CEP128: variants seen among roughly 807,000 people sequenced by gnomAD.
The protein encoded by CEP128 is centrosomal protein 128, also known as centrosomal protein 128kDa.
In CEP128, 132 loss-of-function variants were observed where a neutral mutation model predicts 156.7. The ratio of observed to expected loss-of-function variants is 0.84; its 90% CI spans 0.73 to 0.97. The LOEUF is 0.97. Among genes scored for constraint, CEP128 ranks in the 50% least tolerant of loss-of-function variants. The pLI is 0.00. For missense variants in CEP128, 1,252 were observed against 1,281.9 expected (o/e 0.98, Z 0.36); for synonymous variants, 469 against 448.9 (o/e 1.04, Z -0.57).
rs760099241 is a variant in CEP128 at position 80,530,817 on chromosome 14, C to G, written c.2950G>C (p.Asp984His). 6.2e-7 allele frequency: 1 copy of G among 1,603,070 alleles called. No homozygotes were observed. Among genetic ancestry groups the G allele is most frequent in the Non-Finnish European group, 8.5e-7 (1 of 1,173,806 alleles). The stretch of plus-strand genomic sequence containing the variant: ...AGCCAACTCTTTCTCACTCTGAAGT[C>G]TTTGAAATCTTCTAGTAGGCTCAGT... ...EKLSLLEDFKDFRDSCSSSER... is the reference protein window; with the variant it reads ...EKLSLLEDFKHFRDSCSSSER... The change falls in exon 22 of 25, where the codon GAC becomes CAC. Residue 984 changes from aspartate to histidine, a missense_variant. Physicochemically the swap from Asp to His is moderately conservative, Grantham distance 81. Coordinates refer to ENST00000555265, the MANE Select transcript of CEP128 (RefSeq NM_152446.5).
At chr14:80,486,371 A>T (rs1887165442), downstream of CEP128, among the ~76,000 whole-genome samples, 2 of 152,134 alleles carry the variant, frequency 1.3e-5, 1 homozygote, top group South Asian at 4.2e-4. Context: ...GGACTATGTG[A>T]AAAGACCAAA....
intron 19 of CEP128, among the ~76,000 whole-genome samples, chr14:80,680,387 T>C (rs562864614): frequency 6.6e-6 from 1 of 152,138 alleles, no homozygotes; most frequent in Non-Finnish European, 1.5e-5. Flanking sequence ...TTCGTGGATA[T>C]AGATCCTGGT....
intron 19 of CEP128, among the ~76,000 whole-genome samples, chr14:80,607,881 T>G (rs1489179701): frequency 6.6e-6 from 1 of 152,168 alleles, no homozygotes; most frequent in Non-Finnish European, 1.5e-5. Flanking sequence ...CCCTCAGATA[T>G]CCAACCAACC....
chr14:80,676,856 G>T (rs529467946), intron 19 of CEP128, among the ~76,000 whole-genome samples: 1 of 152,146 alleles, frequency 6.6e-6, no homozygotes, highest in South Asian at 2.1e-4. Flanking sequence ...AAATATATTT[G>T]CAGATCTGGG....
At chr14:80,617,565 G>T (rs117444474) in intron 19 of CEP128, among the ~76,000 whole-genome samples, 3 of 152,168 alleles carry the variant, frequency 2.0e-5, no homozygotes, top group Admixed American at 2.0e-4. Context: ...AACATAAGGT[G>T]GGGGGTGGAC....
intron 19 of CEP128, among the ~76,000 whole-genome samples, chr14:80,678,374 A>C (rs1353126103): frequency 6.6e-6 from 1 of 152,076 alleles, no homozygotes; most frequent in African/African-American, 2.4e-5. Flanking sequence ...TTCCAAAAAA[A>C]AAAAAAGGAC....
chr14:80,685,634 C>T (rs531536650), intron 19 of CEP128, among the ~76,000 whole-genome samples: 9 of 151,966 alleles, frequency 5.9e-5, no homozygotes, highest in Admixed American at 6.6e-5. Flanking sequence ...GGAACCAAAG[C>T]GAAGCCCAAA....
chr14:80,732,599 G>A (rs567906048), intron 19 of CEP128, among the ~76,000 whole-genome samples: 5 of 151,526 alleles, frequency 3.3e-5, no homozygotes, highest in Admixed American at 6.6e-5. Flanking sequence ...ACACAAAACC[G>A]AAATCGGTGA....
At chr14:80,584,967 CA>C (rs1891755696) in intron 19 of CEP128, among the ~76,000 whole-genome samples, 1 of 152,238 alleles carries the variant, frequency 6.6e-6, no homozygotes, top group Admixed American at 6.5e-5. Flanking sequence ...CTGTTCCATA[CA>C]AATAGCAACT....
intron 19 of CEP128, among the ~76,000 whole-genome samples, chr14:80,607,564 T>C (rs1006669061): frequency 4.6e-5 from 7 of 152,158 alleles, no homozygotes; most frequent in Admixed American, 1.3e-4. Flanking sequence ...AAATTCTACA[T>C]GGATCAAGAT....
chr14:80,739,704 T>C (rs1251103490), intron 19 of CEP128, among the ~76,000 whole-genome samples: 3 of 152,174 alleles, frequency 2.0e-5, no homozygotes, highest in Non-Finnish European at 4.4e-5. Flanking sequence ...AATCATAGTA[T>C]ACAATAGGGC....
chr14:80,844,141 A>G (rs1192437256), intron 9 of CEP128, among the ~76,000 whole-genome samples: 2 of 152,112 alleles, frequency 1.3e-5, no homozygotes, highest in East Asian at 3.9e-4. Flanking sequence ...GTTGAGGATT[A>G]TCTGTGCCAA....
chr14:80,906,055 G>A lies in CEP128; in HGVS notation c.261C>T (p.Ile87=), dbSNP rs145468180. 1.7e-4 allele frequency: 280 copies of A among 1,604,874 alleles called. 1 individual carries two copies. In the African/African-American group the frequency reaches 2.1e-3, roughly 12 times the overall value. Residue 87 remains isoleucine, a synonymous_variant, in exon 5 of 25, where the codon ATC becomes ATT. Transcript: ENST00000555265. ...EHLKESLEQS[I]DQLRSQRLLR... ...ATAAACGTTGACTCCGGAGTTGGTC[G>A]ATTGATTGTTCCAAGCTTTCTTTTA...
At chr14:80,946,833 G>A (rs1886355904) in intron 2 of CEP128, among the ~76,000 whole-genome samples, 1 of 152,168 alleles carries the variant, frequency 6.6e-6, no homozygotes, top group Non-Finnish European at 1.5e-5. Flanking sequence ...AATGTCACGT[G>A]GAATTGCAAT....
intron 23 of CEP128, among the ~76,000 whole-genome samples, chr14:80,505,548 G>C (rs1217695138): frequency 6.6e-6 from 1 of 151,876 alleles, no homozygotes; most frequent in Non-Finnish European, 1.5e-5. Flanking sequence ...AAAATAATTG[G>C]ATGTTTTAAA....
At chr14:80,826,880 G>A (rs777883862) in intron 13 of CEP128, among the ~76,000 whole-genome samples, 18 of 152,108 alleles carry the variant, frequency 1.2e-4, no homozygotes, top group African/African-American at 1.9e-4. Context: ...GATCAAGGAT[G>A]CTTAGAATTC....
intron 20 of CEP128, among the ~76,000 whole-genome samples, chr14:80,564,287 G>A (rs1201993001): frequency 6.6e-6 from 1 of 152,182 alleles, no homozygotes; most frequent in African/African-American, 2.4e-5. Flanking sequence ...TTACAATGGA[G>A]CAGTGCTAAT....
At chr14:80,912,181 C>T (rs529478697) in intron 4 of CEP128, among the ~76,000 whole-genome samples, 1 of 148,578 alleles carries the variant, frequency 6.7e-6, no homozygotes, top group Non-Finnish European at 1.5e-5. Context: ...CGCGCCACTG[C>T]ATTCCAATCT....
rs1019786624 is a variant in CEP128, at chr14:80,729,830, C to T, written c.2806+13245G>A. On this transcript the variant is annotated intron_variant, in intron 19 of 24. Coordinates refer to ENST00000555265, the MANE Select transcript of CEP128 (RefSeq NM_152446.5). The stretch of plus-strand genomic sequence containing the variant: ...TTCTCCTTTCCTCCCTTAACAAACA[C>T]CATTATGATAAACACATTTGGTGAA... Among the ~76,000 whole-genome samples, 4 of 152,290 alleles carry T rather than the reference C, an allele frequency of 2.6e-5. No individual in the cohort carries two copies. In the South Asian group the frequency reaches 6.2e-4, roughly 24 times the overall value.
Sources: gnomAD v4.1 joint callset for allele counts (sites outside exome capture counted in the v4.1 genomes callset) on GRCh38, gnomAD v4.1.1 for gene constraint, MANE v1.5 for transcripts, NCBI Gene and HGNC (gene_info 2026-07-23, HGNC 2026-07-21) for gene names.